The following PHF12 variants were observed in gnomAD, a reference collection of about 807,000 sequenced individuals.
PHF12 encodes the protein PHD finger protein 12.
PHF12 carries 6 observed loss-of-function variants against 99.8 expected under a neutral mutation model. That is an observed-to-expected ratio of 0.06 (90% confidence interval 0.03 to 0.12). The LOEUF is 0.12. Ranked by LOEUF, PHF12 falls within the 10% of genes least tolerant of loss-of-function variation. The probability of loss-of-function intolerance (pLI) is 1.00; values close to 1 mark genes in which losing one functional copy is unlikely to be tolerated. For missense variants in PHF12, 954 were observed against 1,300.1 expected, an observed-to-expected ratio of 0.73 and a Z score of 4.09; for synonymous variants, 480 against 514.9, an observed-to-expected ratio of 0.93 and a Z score of 0.92.
chr17:28,906,712 T>C lies in PHF12; in HGVS notation c.2680+144A>G. 7.4e-7 allele frequency: 1 copy of C among 1,345,304 alleles called. No homozygotes were observed. Among genetic ancestry groups the C allele is most frequent in the Non-Finnish European group, 1.0e-6 (1 of 992,438 alleles). 83.3% of individuals were successfully genotyped at this position (1,345,304 alleles called of 1,614,324 possible). A position where few individuals can be genotyped will look rare whatever the true frequency, so the allele number is the denominator to read the frequency against. On this transcript the variant is annotated intron_variant, in intron 14 of 14. Coordinates refer to ENST00000332830, the MANE Select transcript of PHF12 (RefSeq NM_001033561.2). This position sits in a 1 kb window ranked among gnomAD's most constrained non-coding sequence, Gnocchi z 4.2. ...CACATGGGGGTACTCAGCACTTGCT[T>C]CTCTGTGGCCTGCCCTGGGCCCACG...
intron 3 of PHF12, chr17:28,925,724 G>C (rs796210819): frequency 2.0e-5 from 3 of 152,306 alleles, no homozygotes; most frequent in African/African-American, 7.2e-5. Flanking sequence ...ACATTTTTGA[G>C]CCTCCGTTTC....
At chr17:28,940,340 C>T (rs2040591171) in intron 2 of PHF12, among the ~76,000 whole-genome samples, 1 of 152,188 alleles carries the variant, frequency 6.6e-6, no homozygotes, top group Non-Finnish European at 1.5e-5. Context: ...GTTTAGTGAG[C>T]ATTTATGTAG....
Position 28,906,756 on chromosome 17 carries a change from A to C in PHF12, c.2680+100T>G. On this transcript the variant is annotated intron_variant, in intron 14 of 14. Transcript: ENST00000332830. This position sits in a 1 kb window ranked among gnomAD's most constrained non-coding sequence, Gnocchi z 4.2. ...GCCCACGAGGAAGTAGAGCTTGGCC[A>C]ATAGGACTGGGAAGGCAAGAGACAG... 6.8e-7 allele frequency: 1 copy of C among 1,477,720 alleles called. No homozygotes were observed. 91.5% of individuals were successfully genotyped at this position (1,477,720 alleles called of 1,614,324 possible). A position where few individuals can be genotyped will look rare whatever the true frequency, so the allele number is the denominator to read the frequency against.
chr17:28,937,421 T>G (rs1281701606), intron 2 of PHF12, among the ~76,000 whole-genome samples: 2 of 152,176 alleles, frequency 1.3e-5, no homozygotes, highest in Non-Finnish European at 2.9e-5. Flanking sequence ...TGCCACAAAG[T>G]ACATAAAAAG....
At position 28,914,671 on chromosome 17, in the gene PHF12, CAAAAAAAAAAAAAAA is replaced by C. The variant is rs61203588; in HGVS notation, c.1135-649_1135-635del. 2.2e-3 allele frequency among the ~76,000 whole-genome samples: 67 copies of C among 30,348 alleles called. 1 individual carries two copies. The highest frequency in any genetic ancestry group is 2.8e-3 in the Non-Finnish European group (42 of 15,042). The allele number at this position is 30,348 out of a possible 152,430, so 19.9% of individuals were successfully genotyped here. ...TGGGTGAAAGAGCGAGACTCCGTCTCAAAAAAAAAAAAAAAAAAAAAAAAAAAAAAATGCTTGACA... is the reference window on the plus strand; with the variant it reads ...TGGGTGAAAGAGCGAGACTCCGTCTCAAAAAAAAAAAAAAAATGCTTGACA... On this transcript the variant is annotated intron_variant, in intron 7 of 14. Coordinates refer to ENST00000332830, the MANE Select transcript of PHF12 (RefSeq NM_001033561.2).
At chr17:28,907,765 C>T (rs778154032) in intron 12 of PHF12, 93 bp from the exon 13 acceptor site, 3 of 1,241,146 alleles carry the variant, frequency 2.4e-6, no homozygotes, top group Non-Finnish European at 3.5e-6. Context: ...GAGTTAGCTT[C>T]TGGGTTGGCA....
chr17:28,907,082 C>G, intron 13 of PHF12, 88 bp from the exon 14 acceptor site: 1 of 1,435,258 alleles, frequency 7.0e-7, no homozygotes, highest in Non-Finnish European at 9.4e-7. Flanking sequence ...GAAGGCCGTG[C>G]TACTCTACCT....
At chr17:28,918,357 C>G (rs1049621287) in intron 6 of PHF12, among the ~76,000 whole-genome samples, 3 of 152,204 alleles carry the variant, frequency 2.0e-5, no homozygotes, top group Non-Finnish European at 2.9e-5. Context: ...CAAAACAAGA[C>G]TAGATTTTCC....
At position 28,923,973 on chromosome 17, in the gene PHF12, G is replaced by A. The variant is rs1315379222; in HGVS notation, c.651C>T (p.Ala217=). 1 of 1,613,952 alleles carries A rather than the reference G, an allele frequency of 6.2e-7. No individual in the cohort carries two copies. Among genetic ancestry groups the A allele is most frequent in the East Asian group, 2.2e-5 (1 of 44,858 alleles). Residue 217 remains alanine, a synonymous_variant, in exon 4 of 15, where the codon GCC becomes GCT. Coordinates refer to ENST00000332830, the MANE Select transcript of PHF12 (RefSeq NM_001033561.2). ...GAAATTGGGTGGGGTTCCGCTCCATGGCGGCAGCAATCAGCAGCTCAAAGG... is the reference window on the plus strand; with the variant it reads ...GAAATTGGGTGGGGTTCCGCTCCATAGCGGCAGCAATCAGCAGCTCAAAGG... ...RRPFELLIAA[A]MERNPTQFQL... is the part of the protein sequence containing the mutation.
rs767926164 is a variant in PHF12 at position 28,910,364 on chromosome 17, C to T, written c.2221G>A (p.Glu741Lys). The T allele has an allele frequency of 2.5e-6, 4 of 1,610,192 alleles. No individual in the cohort carries two copies. The highest frequency in any genetic ancestry group is 3.4e-6 in the Non-Finnish European group (4 of 1,177,414). The change falls in exon 11 of 15, where the codon GAG (glutamate) becomes AAG (lysine). Residue 741 changes from glutamate to lysine, a missense_variant. Glu to Lys is a moderately conservative substitution (Grantham distance 56, BLOSUM62 1). Transcript: ENST00000332830. ...RAFMDVNGEI[E>K]INMLDEKLIK... ...AGCTTCTCGTCCAGCATATTTATCT[C>T]GATTTCTATTAGCCAAAGAGAAAGA...
chr17:28,917,323 G>A lies in PHF12; in HGVS notation c.1096C>T (p.Arg366Trp), dbSNP rs757998998. Reference sequence around the variant, plus strand: ...CTTTTGACCGACTGGAGCACACGCCGGTTAGGGGGGTGCTTCTTGTGGATT... The same window carrying A: ...CTTTTGACCGACTGGAGCACACGCCAGTTAGGGGGGTGCTTCTTGTGGATT... ...NRIHKKHPPN[R>W]RVLQSVKRRS... The change falls in exon 7 of 15, where the codon CGG (arginine) becomes TGG (tryptophan). Residue 366 changes from arginine to tryptophan, a missense_variant. Arg to Trp is a moderately radical substitution (Grantham distance 101). Around this residue, in one of 8 missense-constraint regions of PHF12, gnomAD observed 392 missense variants for 423.1 expected, o/e 0.93. Coordinates refer to ENST00000332830, the MANE Select transcript of PHF12 (RefSeq NM_001033561.2). The A allele has an allele frequency of 2.5e-5, 40 of 1,613,944 alleles. No homozygotes were observed. In the East Asian group the frequency reaches 6.7e-4, roughly 27 times the overall value.
Position 28,927,009 on chromosome 17 carries a change from C to T in PHF12, c.303G>A (p.Arg101=). The T allele has an allele frequency of 6.2e-7, 1 of 1,614,130 alleles. No homozygotes were observed. The change falls in exon 3 of 15, where the codon CGG becomes CGA. Residue 101 remains arginine (R), a synonymous_variant. Transcript: ENST00000332830. ...TTATTACCTTTCGGCGAACAGTGCA[C>T]CGGTGACACATCCACTCTCCAGGAG... ...MLPPGEWMCH[R]CTVRRKKREQ...
rs1311509286 is a variant in PHF12, at chr17:28,949,501, G to A, written c.248+564C>T. Among the ~76,000 whole-genome samples the A allele has an allele frequency of 6.6e-6, 1 of 152,226 alleles. No individual in the cohort carries two copies. Among genetic ancestry groups the A allele is most frequent in the Non-Finnish European group, 1.5e-5 (1 of 68,044 alleles). ...TCATATATGCAGCCAAAATGGCGCT[G>A]AGAATAAAAATATAATTTAAAGGCA... On this transcript the variant is annotated intron_variant, in intron 2 of 14. Coordinates refer to ENST00000332830, the MANE Select transcript of PHF12 (RefSeq NM_001033561.2). The surrounding 1 kb of genome is among the most constrained non-coding windows in gnomAD (Gnocchi z 4.6).
At chr17:28,915,480 A>G (rs2080501923) in intron 7 of PHF12, among the ~76,000 whole-genome samples, 1 of 152,072 alleles carries the variant, frequency 6.6e-6, no homozygotes, top group Non-Finnish European at 1.5e-5. Flanking sequence ...ATGAGTCTGG[A>G]TATAAGGAGA....
In PHF12 at chr17:28,906,508, C is replaced by G; in HGVS notation, c.2690G>C (p.Arg897Pro). 1 of 1,598,218 alleles carries G rather than the reference C, an allele frequency of 6.3e-7. No homozygotes were observed. Among genetic ancestry groups the G allele is most frequent in the Non-Finnish European group, 8.6e-7 (1 of 1,168,418 alleles). The change falls in exon 15 of 15, where the codon CGG becomes CCG. Residue 897 changes from arginine (R) to proline (P), a missense_variant. This residue lies in a region of PHF12 where 136 missense variants were observed against 172.3 expected (regional missense o/e 0.79). Transcript: ENST00000332830. This position sits in a 1 kb window ranked among gnomAD's most constrained non-coding sequence, Gnocchi z 4.2. The stretch of plus-strand genomic sequence containing the variant: ...TGGCTCTTCGTCCTGTTTCTGGTGC[C>G]GGCGGCGCCCTGGGAAAAAGGGGGA... The part of the protein sequence containing the change: ...AKVQSVIRRR[R>P]HQKQDEEPSE...
chr17:28,950,323 C>T lies in PHF12; in HGVS notation c.67-77G>A, dbSNP rs1226344905. 6.3e-6 allele frequency: 9 copies of T among 1,433,312 alleles called. No individual in the cohort carries two copies. Among genetic ancestry groups the T allele is most frequent in the Non-Finnish European group, 8.5e-6 (9 of 1,062,416 alleles). 88.8% of individuals were successfully genotyped at this position (1,433,312 alleles called of 1,614,324 possible). On this transcript the variant is annotated intron_variant, in intron 1 of 14. Transcript: ENST00000332830. This position sits in a 1 kb window ranked among gnomAD's most constrained non-coding sequence, Gnocchi z 5.7. ...CCGTCGCCCCCCCGGCGCGGTTTCT[C>T]CGTCACCCACCCCTCTCCCCCCTTT... is the stretch of plus-strand genomic sequence containing the variant.
intron 13 of PHF12, 132 bp from the exon 14 acceptor site, chr17:28,907,126 C>A: frequency 9.2e-7 from 1 of 1,088,504 alleles, no homozygotes. Flanking sequence ...AGTCATGGCC[C>A]CTGTCCTTTC....
intron 2 of PHF12, among the ~76,000 whole-genome samples, chr17:28,943,565 C>T (rs565020240): frequency 1.1e-4 from 16 of 152,000 alleles, no homozygotes; most frequent in South Asian, 2.1e-4. Flanking sequence ...GGGAGGTGGA[C>T]GCTGCAGTGA....
rs772827020 is a variant in PHF12 at position 28,912,462 on chromosome 17, C to G, written c.2089+20G>C. 6 of 1,558,222 alleles carry G rather than the reference C, an allele frequency of 3.9e-6. No individual in the cohort carries two copies. The Middle Eastern group carries it at 5.2e-4, about 135-fold the overall frequency. On this transcript the variant is annotated intron_variant, in intron 9 of 14. Transcript: ENST00000332830. ...AGCATAAAATTATTCCAAATCAACC[C>G]AAGGCTGAGCAGCACTCACCTGACG...
Sources: gnomAD v4.1 joint callset for allele counts (sites outside exome capture counted in the v4.1 genomes callset) on GRCh38, gnomAD v4.1.1 for gene constraint, gnomAD v4.1.1 regional missense constraint, Gnocchi (gnomAD v3.1) non-coding constraint, MANE v1.5 for transcripts, NCBI Gene and HGNC (gene_info 2026-07-23, HGNC 2026-07-21) for gene names.